PTPRN2: variants seen among roughly 807,000 people sequenced by gnomAD.
PTPRN2 encodes the protein receptor-type tyrosine-protein phosphatase N2.
PTPRN2 carries 74 observed loss-of-function variants against 118.8 expected under a neutral mutation model. The ratio of observed to expected loss-of-function variants is 0.62; its 90% CI spans 0.52 to 0.76. PTPRN2 has a LOEUF of 0.76. Among genes scored for constraint, PTPRN2 ranks in the 30% least tolerant of loss-of-function variants. The pLI, the probability that PTPRN2 is intolerant of heterozygous loss-of-function variation, is 0.00. For synonymous variants in PTPRN2, 641 were observed against 608.0 expected (o/e 1.05, Z -0.80); for missense variants, 1,481 against 1,394.4 (o/e 1.06, Z -0.99).
intron 1 of PTPRN2, among the ~76,000 whole-genome samples, chr7:158,499,195 C>T (rs377484371): frequency 6.6e-6 from 1 of 152,140 alleles, no homozygotes; most frequent in African/African-American, 2.4e-5. Context: ...ATGGAAACAG[C>T]CTCTCCCACA....
In PTPRN2 at chr7:157,990,307, G is replaced by A. The variant is rs1207650179; in HGVS notation, c.1723+90991C>T. Among the ~76,000 whole-genome samples the A allele has an allele frequency of 2.6e-5, 4 of 152,048 alleles. No homozygotes were observed. On this transcript the variant is annotated intron_variant, in intron 11 of 22. Coordinates refer to ENST00000389418, the MANE Select transcript of PTPRN2 (RefSeq NM_002847.5). This position sits in a 1 kb window ranked among gnomAD's most constrained non-coding sequence, Gnocchi z 4.3. ...TAGCGACACAGCTTCCCAAGCAGGC[G>A]AGTGACCTGGAGCACAGAGGGGAGG...
intron 11 of PTPRN2, among the ~76,000 whole-genome samples, chr7:158,048,465 T>C (rs548699486): frequency 2.5e-4 from 38 of 152,252 alleles, no homozygotes; most frequent in African/African-American, 8.2e-4. Flanking sequence ...GTAAGTTACA[T>C]AGGAATAATG....
At chr7:158,052,355 G>T (rs1809392195) in intron 11 of PTPRN2, among the ~76,000 whole-genome samples, 1 of 152,248 alleles carries the variant, frequency 6.6e-6, no homozygotes, top group Non-Finnish European at 1.5e-5. Flanking sequence ...TAAAGACAGA[G>T]AGAAAGCCTT....
At chr7:158,442,381 A>G (rs1417593771) in intron 2 of PTPRN2, among the ~76,000 whole-genome samples, 2 of 152,118 alleles carry the variant, frequency 1.3e-5, no homozygotes, top group Non-Finnish European at 2.9e-5. Context: ...GTGACCAGTT[A>G]CCTATTCATG....
chr7:158,485,711 C>T (rs1161115887), intron 2 of PTPRN2, among the ~76,000 whole-genome samples: 1 of 152,040 alleles, frequency 6.6e-6, no homozygotes, highest in Admixed American at 6.5e-5. Context: ...CTCCTTCCCA[C>T]CTCTCTTGTC....
At chr7:158,412,206 A>T (rs1162757722) in intron 2 of PTPRN2, among the ~76,000 whole-genome samples, 2 of 81,696 alleles carry the variant, frequency 2.4e-5, no homozygotes, top group East Asian at 4.4e-4. Context: ...CCTCCTCAGC[A>T]CCAGGGCCCA....
intron 12 of PTPRN2, among the ~76,000 whole-genome samples, chr7:157,691,952 C>T (rs2150836487): frequency 6.6e-6 from 1 of 152,214 alleles, no homozygotes; most frequent in South Asian, 2.1e-4. Context: ...CGCGGCGCCC[C>T]CGCGGAGCTG....
chr7:158,577,473 ATGGGG>A (rs1828396702), intron 1 of PTPRN2, among the ~76,000 whole-genome samples: 1 of 141,124 alleles, frequency 7.1e-6, no homozygotes, highest in Admixed American at 7.1e-5. Flanking sequence ...CACAGACAGC[ATGGGG>A]CCTGCACAAC....
At chr7:158,259,816 T>A (rs1308695822) in intron 3 of PTPRN2, among the ~76,000 whole-genome samples, 1 of 142,130 alleles carries the variant, frequency 7.0e-6, no homozygotes, top group African/African-American at 2.5e-5. Flanking sequence ...ACGTGTCCCT[T>A]TGTGTACACA....
At chr7:158,057,658 G>T (rs1201085272) in intron 11 of PTPRN2, among the ~76,000 whole-genome samples, 2 of 152,066 alleles carry the variant, frequency 1.3e-5, no homozygotes, top group African/African-American at 2.4e-5. Flanking sequence ...ACCCCAGAGA[G>T]CCCAGGCCCC....
At chr7:158,471,173 AAGGACAAT>A (rs1819825388) in intron 2 of PTPRN2, among the ~76,000 whole-genome samples, 1 of 152,068 alleles carries the variant, frequency 6.6e-6, no homozygotes, top group Non-Finnish European at 1.5e-5. Context: ...CTCCTCTCTG[AAGGACAAT>A]AGGAAAAGGC....
intron 12 of PTPRN2, among the ~76,000 whole-genome samples, chr7:157,775,194 T>C (rs1398883225): frequency 6.6e-6 from 1 of 152,150 alleles, no homozygotes; most frequent in Non-Finnish European, 1.5e-5. Flanking sequence ...ATGGCGCCAC[T>C]CTGCAGGACG....
At chr7:157,620,988 T>TTCTTGGGCACG (rs1803154683) in intron 15 of PTPRN2, among the ~76,000 whole-genome samples, 1 of 142,616 alleles carries the variant, frequency 7.0e-6, no homozygotes, top group Non-Finnish European at 1.5e-5. Flanking sequence ...GCATGGCCAG[T>TTCTTGGGCACG]TTCCCCCGCC....
At chr7:157,604,159 C>A (rs1801867794) in intron 15 of PTPRN2, 84 bp from the exon 16 acceptor site, 8 of 1,264,608 alleles carry the variant, frequency 6.3e-6, no homozygotes, top group Non-Finnish European at 9.1e-6. Context: ...GGGCCCCCCA[C>A]CCAGCAGCAC....
intron 12 of PTPRN2, among the ~76,000 whole-genome samples, chr7:157,761,795 C>T (rs1255971250): frequency 6.6e-6 from 1 of 150,528 alleles, no homozygotes; most frequent in Non-Finnish European, 1.5e-5. Flanking sequence ...AAAGAAACCG[C>T]CATCAGAGTG....
intron 12 of PTPRN2, among the ~76,000 whole-genome samples, chr7:157,810,594 G>A (rs1192207659): frequency 1.4e-4 from 19 of 140,716 alleles, no homozygotes; most frequent in African/African-American, 3.2e-4. Context: ...GGACAGGGAC[G>A]GGGACGGCGG....
At chr7:158,287,818 T>A (rs1799862210) in intron 3 of PTPRN2, among the ~76,000 whole-genome samples, 1 of 152,182 alleles carries the variant, frequency 6.6e-6, no homozygotes, top group African/African-American at 2.4e-5. Flanking sequence ...TGTATATATC[T>A]GTTATGTCCA....
At chr7:157,742,541 G>T (rs12670477) in intron 12 of PTPRN2, among the ~76,000 whole-genome samples, 1 of 150,918 alleles carries the variant, frequency 6.6e-6, no homozygotes, top group Non-Finnish European at 1.5e-5. Context: ...TGGAGTAAAC[G>T]ATGAATGTGG....
At chr7:157,634,408 G>A (rs1049137614) in intron 14 of PTPRN2, among the ~76,000 whole-genome samples, 4 of 152,188 alleles carry the variant, frequency 2.6e-5, no homozygotes, top group African/African-American at 9.6e-5. Flanking sequence ...GTCAAAGTAA[G>A]TTTGCTCAAA....
Sources: allele counts gnomAD v4.1 joint callset (sites outside exome capture counted in the v4.1 genomes callset), GRCh38; gene constraint gnomAD v4.1.1; non-coding constraint Gnocchi (gnomAD v3.1); transcripts MANE v1.5; gene names NCBI Gene and HGNC (gene_info 2026-07-23, HGNC 2026-07-21).